The following IQGAP2 variants were observed in gnomAD, a reference collection of about 807,000 sequenced individuals.
IQGAP2 encodes the protein IQ motif containing GTPase activating protein 2, also known as ras GTPase-activating-like protein IQGAP2.
Under a neutral mutation model 201.3 loss-of-function variants are expected in IQGAP2, and 173 were observed. The ratio of observed to expected loss-of-function variants is 0.86; its 90% CI spans 0.76 to 0.98. IQGAP2 has a LOEUF of 0.98. Ranked by LOEUF, IQGAP2 falls within the 50% of genes least tolerant of loss-of-function variation. The probability of loss-of-function intolerance (pLI) is 0.00; values close to 1 mark genes in which losing one functional copy is unlikely to be tolerated. For synonymous variants in IQGAP2, 675 were observed against 673.9 expected (o/e 1.00, Z -0.03); for missense variants, 1,687 against 1,864.8 (o/e 0.90, Z 1.76).
chr5:76,557,079 C>T (rs536303394), intron 2 of IQGAP2, among the ~76,000 whole-genome samples: 14 of 152,292 alleles, frequency 9.2e-5, no homozygotes, highest in East Asian at 5.8e-4. Flanking sequence ...GTCTCCAAGC[C>T]GTGGAACTCT....
chr5:76,678,068 C>T (rs142932196), intron 28 of IQGAP2, among the ~76,000 whole-genome samples: 1 of 152,330 alleles, frequency 6.6e-6, no homozygotes, highest in African/African-American at 2.4e-5. Flanking sequence ...TCCCCTCTTC[C>T]AGGAACCCTC....
intron 2 of IQGAP2, among the ~76,000 whole-genome samples, chr5:76,555,776 G>A (rs1194010703): frequency 2.0e-5 from 3 of 152,130 alleles, no homozygotes; most frequent in East Asian, 3.9e-4. Context: ...CCTGTCTGAT[G>A]GAAGTTCTTC....
chr5:76,576,294 A>G (rs1348171983), intron 5 of IQGAP2, among the ~76,000 whole-genome samples: 1 of 152,210 alleles, frequency 6.6e-6, no homozygotes, highest in East Asian at 1.9e-4. Flanking sequence ...GTTTGGTGTA[A>G]ATTAGTCAAA....
chr5:76,675,972 T>G (rs886263070), intron 27 of IQGAP2, among the ~76,000 whole-genome samples: 9 of 151,984 alleles, frequency 5.9e-5, no homozygotes, highest in Non-Finnish European at 1.5e-5. Flanking sequence ...TCCCAGCTAC[T>G]CAGGAGGCTG....
At chr5:76,645,183 C>T (rs185206303) in intron 17 of IQGAP2, among the ~76,000 whole-genome samples, 1 of 151,710 alleles carries the variant, frequency 6.6e-6, no homozygotes, top group Admixed American at 6.5e-5. Flanking sequence ...GTGAACTCAT[C>T]CTTTTTTATG....
chr5:76,488,706 C>T (rs1195635812), intron 2 of IQGAP2, among the ~76,000 whole-genome samples: 1 of 152,126 alleles, frequency 6.6e-6, no homozygotes, highest in Non-Finnish European at 1.5e-5. Flanking sequence ...TACGTGTTGC[C>T]TCAAGGAGAG....
At chr5:76,551,150 C>T (rs561434294) in intron 2 of IQGAP2, among the ~76,000 whole-genome samples, 1 of 146,598 alleles carries the variant, frequency 6.8e-6, no homozygotes, top group Admixed American at 6.8e-5. Context: ...GGCAGAGACG[C>T]TCCTCACCTC....
intron 1 of IQGAP2, among the ~76,000 whole-genome samples, chr5:76,411,152 G>T (rs1318008517): frequency 1.3e-5 from 2 of 152,114 alleles, no homozygotes; most frequent in Admixed American, 6.6e-5. Context: ...AGGCCCTCCA[G>T]GTGATTCTGA....
intron 1 of IQGAP2, among the ~76,000 whole-genome samples, chr5:76,449,659 A>G (rs144529243): frequency 1.1e-4 from 17 of 152,336 alleles, no homozygotes. Context: ...GTGGACCATT[A>G]GTAGGAATAA....
At chr5:76,590,623 G>A (rs773430041) in intron 8 of IQGAP2, 37 bp downstream of exon 8, 5 of 1,469,720 alleles carry the variant, frequency 3.4e-6, no homozygotes, top group South Asian at 1.2e-5. Context: ...AGTAATGAAT[G>A]TGCTTATGAG....
At chr5:76,524,509 G>C (rs945563006) in intron 2 of IQGAP2, among the ~76,000 whole-genome samples, 3 of 152,192 alleles carry the variant, frequency 2.0e-5, no homozygotes, top group African/African-American at 7.2e-5. Flanking sequence ...AAACAGAAGA[G>C]AAGGCAGTGT....
At chr5:76,559,650 C>T (rs1355727781) in intron 2 of IQGAP2, among the ~76,000 whole-genome samples, 1 of 152,202 alleles carries the variant, frequency 6.6e-6, no homozygotes, top group Admixed American at 6.5e-5. Flanking sequence ...CCCTGCCTTT[C>T]CAACTACAGC....
intron 2 of IQGAP2, among the ~76,000 whole-genome samples, chr5:76,516,065 G>A (rs1305213172): frequency 1.3e-5 from 2 of 151,704 alleles, no homozygotes; most frequent in Non-Finnish European, 2.9e-5. Flanking sequence ...TTACAGAGAC[G>A]GGGTTTTGCC....
intron 2 of IQGAP2, among the ~76,000 whole-genome samples, chr5:76,526,097 A>G (rs1758958254): frequency 6.6e-6 from 1 of 152,238 alleles, no homozygotes; most frequent in African/African-American, 2.4e-5. Flanking sequence ...GAACTTGGCT[A>G]GAATATTAAC....
rs540945757 is a variant in IQGAP2 at position 76,674,741 on chromosome 5, G to A, written c.3527+32G>A. The A allele has an allele frequency of 2.7e-6, 4 of 1,462,016 alleles. No homozygotes were observed. In the East Asian group the frequency reaches 9.1e-5, roughly 33 times the overall value. The allele number at this position is 1,462,016 out of a possible 1,614,324, so 90.6% of individuals were successfully genotyped here. On this transcript the variant is annotated intron_variant, in intron 27 of 35. Transcript: ENST00000274364. ...GGGGCCCTTAGTTTTGGAGAAACGT[G>A]CAAGAATGGTAGGCAAGAATAATAT...
At chr5:76,496,867 T>C (rs1014956665) in intron 2 of IQGAP2, among the ~76,000 whole-genome samples, 1 of 151,828 alleles carries the variant, frequency 6.6e-6, no homozygotes, top group Non-Finnish European at 1.5e-5. Flanking sequence ...TCTTGCTCTG[T>C]TGCCCAGGCT....
chr5:76,672,856 T>C, intron 24 of IQGAP2, among the ~76,000 whole-genome samples: 2 of 145,894 alleles, frequency 1.4e-5, no homozygotes, highest in Non-Finnish European at 3.0e-5. Context: ...TAGGTGGGAA[T>C]TGAACACATG....
At chr5:76,623,559 G>A in intron 13 of IQGAP2, 1 of 249,254 alleles carries the variant, frequency 4.0e-6, no homozygotes, top group Non-Finnish European at 7.7e-6. Context: ...TGCTTTTAAA[G>A]AATGGCAGAA....
intron 3 of IQGAP2, among the ~76,000 whole-genome samples, chr5:76,564,319 G>C (rs185824187): frequency 1.3e-5 from 2 of 152,246 alleles, no homozygotes; most frequent in East Asian, 3.9e-4. Flanking sequence ...TTATAATCAA[G>C]ATCTAGGTCT....
Sources: gnomAD v4.1 joint callset for allele counts (sites outside exome capture counted in the v4.1 genomes callset) on GRCh38, gnomAD v4.1.1 for gene constraint, MANE v1.5 for transcripts, NCBI Gene and HGNC (gene_info 2026-07-23, HGNC 2026-07-21) for gene names.